The following RBKS variants were observed in gnomAD, a reference collection of about 807,000 sequenced individuals.
RBKS encodes the protein ribokinase.
RBKS carries 33 observed loss-of-function variants against 33.9 expected under a neutral mutation model. The observed-to-expected ratio is 0.97, with a 90% CI of 0.74 to 1.30. The LOEUF (loss-of-function observed/expected upper bound fraction) is 1.30, where lower values mean the gene tolerates loss of function less well. Among genes scored for constraint, RBKS ranks in the 50% most tolerant of loss-of-function variants. RBKS has a pLI of 0.00. For missense variants in RBKS, 361 were observed against 392.6 expected (o/e 0.92, Z 0.68); for synonymous variants, 125 against 143.0 (o/e 0.87, Z 0.90).
intron 7 of RBKS, among the ~76,000 whole-genome samples, chr2:27,815,436 A>G (rs1019459444): frequency 6.6e-6 from 1 of 151,978 alleles, no homozygotes; most frequent in African/African-American, 2.4e-5. Context: ...CCTGAGCTCA[A>G]TCTGCCCACA....
chr2:27,833,199 A>G (rs765561216), intron 5 of RBKS, among the ~76,000 whole-genome samples: 33 of 152,326 alleles, frequency 2.2e-4, no homozygotes, highest in Middle Eastern at 3.4e-3. Context: ...TTTCCAGGGA[A>G]GAAAAAGAGA....
chr2:27,825,786 A>G (rs1307977617), intron 7 of RBKS, among the ~76,000 whole-genome samples: 2 of 152,156 alleles, frequency 1.3e-5, no homozygotes, highest in Non-Finnish European at 2.9e-5. Flanking sequence ...CACCAAATAA[A>G]TCCTTTTTCC....
intron 1 of RBKS, among the ~76,000 whole-genome samples, chr2:27,867,303 A>G (rs1664120983): frequency 6.6e-6 from 1 of 152,170 alleles, no homozygotes; most frequent in South Asian, 2.1e-4. Flanking sequence ...CTACAGCTTA[A>G]AAGAAATTAT....
At chr2:27,806,285 G>T (rs971080289) in intron 7 of RBKS, among the ~76,000 whole-genome samples, 1 of 152,226 alleles carries the variant, frequency 6.6e-6, no homozygotes, top group African/African-American at 2.4e-5. Flanking sequence ...TGAAATGGCA[G>T]AATCTGAGAC....
At chr2:27,789,541 G>A (rs1441480727) in intron 7 of RBKS, among the ~76,000 whole-genome samples, 2 of 151,596 alleles carry the variant, frequency 1.3e-5, no homozygotes, top group Non-Finnish European at 2.9e-5. Context: ...TGGGAGTATA[G>A]ATGTGTGCCA....
intron 1 of RBKS, among the ~76,000 whole-genome samples, chr2:27,864,743 C>A (rs948960896): frequency 5.9e-5 from 9 of 152,068 alleles, no homozygotes; most frequent in Admixed American, 1.3e-4. Flanking sequence ...TCCAGTCCCC[C>A]ACAAGGTTAC....
chr2:27,843,489 A>C (rs56298401), intron 4 of RBKS, among the ~76,000 whole-genome samples: 10,718 of 152,282 alleles, frequency 0.07, 731 homozygotes, highest in African/African-American at 0.18. Context: ...CTTATATATA[A>C]AGAATATTAG....
In RBKS at chr2:27,810,468, A is replaced by C. The variant is rs753615905; in HGVS notation, c.795+17099T>G. The stretch of plus-strand genomic sequence containing the variant: ...TGGAAGGGCATTTATGGATCACCTG[A>C]GATTTTAATTTTATTTTTTGTAAGT... On this transcript the variant is annotated intron_variant, in intron 7 of 7. Coordinates refer to ENST00000302188, the MANE Select transcript of RBKS (RefSeq NM_022128.3). This position sits in a 1 kb window ranked among gnomAD's most constrained non-coding sequence, Gnocchi z 4.4. 6.6e-6 allele frequency among the ~76,000 whole-genome samples: 1 copy of C among 151,674 alleles called. No individual in the cohort carries two copies. Among genetic ancestry groups the C allele is most frequent in the Non-Finnish European group, 1.5e-5 (1 of 67,980 alleles).
chr2:27,884,351 G>T (rs1664481383), intron 1 of RBKS, among the ~76,000 whole-genome samples: 1 of 151,936 alleles, frequency 6.6e-6, no homozygotes, highest in South Asian at 2.1e-4. Flanking sequence ...GGTCTCCAGC[G>T]ATCCTCCCAC....
intron 1 of RBKS, chr2:27,861,676 G>GGGGT: frequency 2.3e-6 from 1 of 426,086 alleles, no homozygotes; most frequent in Non-Finnish European, 4.8e-6. Context: ...GGGGGGGGTG[G>GGGGT]AGTCTCACTT....
chr2:27,803,256 G>A (rs910265830), intron 7 of RBKS, among the ~76,000 whole-genome samples: 6 of 152,166 alleles, frequency 3.9e-5, no homozygotes, highest in Non-Finnish European at 7.4e-5. Flanking sequence ...CATCATGATG[G>A]ACAGTGAGAG....
intron 1 of RBKS, among the ~76,000 whole-genome samples, chr2:27,874,407 A>T (rs1664274033): frequency 6.6e-6 from 1 of 152,206 alleles, no homozygotes; most frequent in African/African-American, 2.4e-5. Context: ...GTCAGAATGG[A>T]GGAAGGTGCA....
At chr2:27,789,122 G>A (rs776793594) in intron 7 of RBKS, among the ~76,000 whole-genome samples, 13 of 152,272 alleles carry the variant, frequency 8.5e-5, no homozygotes, top group East Asian at 3.9e-4. Flanking sequence ...GGATAGACAC[G>A]TAGCTCACTT....
At chr2:27,805,863 C>T (rs529493223) in intron 7 of RBKS, among the ~76,000 whole-genome samples, 3 of 151,590 alleles carry the variant, frequency 2.0e-5, no homozygotes, top group South Asian at 2.1e-4. Flanking sequence ...GCATGAGCCA[C>T]CTTGCCCGGC....
intron 1 of RBKS, among the ~76,000 whole-genome samples, chr2:27,880,177 C>T (rs770809286): frequency 2.6e-5 from 4 of 152,110 alleles, no homozygotes; most frequent in Non-Finnish European, 4.4e-5. Flanking sequence ...AAAAGCCACA[C>T]GATTATCTCA....
chr2:27,793,593 T>C (rs899273178), intron 7 of RBKS, among the ~76,000 whole-genome samples: 3 of 152,184 alleles, frequency 2.0e-5, no homozygotes, highest in Non-Finnish European at 2.9e-5. Flanking sequence ...AAAATATCAG[T>C]GTCATGAAAG....
At chr2:27,819,687 AG>A (rs1678160821) in intron 7 of RBKS, among the ~76,000 whole-genome samples, 1 of 152,234 alleles carries the variant, frequency 6.6e-6, no homozygotes, top group Admixed American at 6.5e-5. Context: ...AGGGTTGAAG[AG>A]TTAAATGGAA....
chr2:27,845,432 A>T (rs1663602964), intron 4 of RBKS, among the ~76,000 whole-genome samples: 1 of 152,222 alleles, frequency 6.6e-6, no homozygotes, highest in Admixed American at 6.5e-5. Flanking sequence ...AAGGTCTACC[A>T]AATAGGCACT....
chr2:27,796,174 C>T (rs1178200825), intron 7 of RBKS, among the ~76,000 whole-genome samples: 2 of 152,170 alleles, frequency 1.3e-5, no homozygotes, highest in Non-Finnish European at 2.9e-5. Context: ...CAATAAATTA[C>T]TTGGCTGTTG....
Sources: gnomAD v4.1 joint callset for allele counts (sites outside exome capture counted in the v4.1 genomes callset) on GRCh38, gnomAD v4.1.1 for gene constraint, Gnocchi (gnomAD v3.1) non-coding constraint, MANE v1.5 for transcripts, NCBI Gene and HGNC (gene_info 2026-07-23, HGNC 2026-07-21) for gene names.